LMTK3: variants seen among roughly 807,000 people sequenced by gnomAD.
The protein encoded by LMTK3 is serine/threonine-protein kinase LMTK3.
In LMTK3, 27 loss-of-function variants were observed where a neutral mutation model predicts 116.7. The ratio of observed to expected loss-of-function variants is 0.23; its 90% CI spans 0.17 to 0.32. The LOEUF is 0.32. Ranked by LOEUF, LMTK3 falls within the 10% of genes least tolerant of loss-of-function variation. LMTK3 has a pLI of 1.00. For synonymous variants in LMTK3, 965 were observed against 971.0 expected, an observed-to-expected ratio of 0.99 and a Z score of 0.11; for missense variants, 1,764 against 2,068.5, an observed-to-expected ratio of 0.85 and a Z score of 2.86.
intron 11 of LMTK3, among the ~76,000 whole-genome samples, chr19:48,495,076 C>T (rs1972302748): frequency 1.3e-5 from 2 of 151,594 alleles, no homozygotes; most frequent in African/African-American, 4.9e-5. Context: ...GTGGTACGAT[C>T]TCGGCGCATT....
In LMTK3 at chr19:48,497,454, G is replaced by C; in HGVS notation, c.3615C>G (p.Pro1205=). 6.5e-7 allele frequency: 1 copy of C among 1,533,104 alleles called. No homozygotes were observed. Among genetic ancestry groups the C allele is most frequent in the South Asian group, 1.2e-5 (1 of 80,766 alleles). The allele number at this position is 1,533,104 out of a possible 1,614,324, so 95.0% of individuals were successfully genotyped here. A position where few individuals can be genotyped will look rare whatever the true frequency, so the allele number is the denominator to read the frequency against. ...AGTCCAAGAATAGTCGTGGCATCTC[G>C]GGGCCCTTCCTCTCGGGCTTGGGGG... ...GDPPKPERKG[P]EMPRLFLDLG... Residue 1205 remains proline (P), a synonymous_variant, in exon 11 of 15, where the codon CCC becomes CCG. Coordinates refer to ENST00000600059, the MANE Select transcript of LMTK3 (RefSeq NM_001388485.1). The surrounding 1 kb of genome is among the most constrained non-coding windows in gnomAD (Gnocchi z 5.7).
At chr19:48,492,081 C>T (rs761249571) in intron 12 of LMTK3, among the ~76,000 whole-genome samples, 19 of 151,818 alleles carry the variant, frequency 1.3e-4, no homozygotes, top group Non-Finnish European at 1.5e-5. Context: ...GGCCTTGTTT[C>T]CATTCCTTTC....
intron 1 of LMTK3, among the ~76,000 whole-genome samples, chr19:48,510,893 G>A (rs1048823740): frequency 6.6e-6 from 1 of 152,184 alleles, no homozygotes; most frequent in Non-Finnish European, 1.5e-5. Context: ...GAAGGAAAGA[G>A]GAGTGATAGT....
In LMTK3 at chr19:48,511,713, A is replaced by T; in HGVS notation, c.-137T>A. ...AGGAGAGGGGCAGGAGACGCAGGAC[A>T]GGGGGAGGGAGGGGCTGCTTGCTGG... On this transcript the variant is annotated 5_prime_UTR_variant, in exon 1 of 15. Coordinates refer to ENST00000600059, the MANE Select transcript of LMTK3 (RefSeq NM_001388485.1). 2.4e-6 allele frequency: 1 copy of T among 421,742 alleles called. No individual in the cohort carries two copies. The highest frequency in any genetic ancestry group is 3.8e-5 in the East Asian group (1 of 26,562). The allele number at this position is 421,742 out of a possible 1,614,324, so 26.1% of individuals were successfully genotyped here. A position where few individuals can be genotyped will look rare whatever the true frequency, so the allele number is the denominator to read the frequency against.
At chr19:48,505,099 CTCTCTTTTTTTTTTT>C (rs1972542523) in intron 5 of LMTK3, among the ~76,000 whole-genome samples, 1 of 101,796 alleles carries the variant, frequency 9.8e-6, no homozygotes, top group African/African-American at 4.5e-5. Context: ...CTCTCTCTCT[CTCTCTTTTTTTTTTT>C]TTTTTTTTTT....
At chr19:48,503,993 G>A (rs1054850746) in intron 5 of LMTK3, among the ~76,000 whole-genome samples, 2 of 151,742 alleles carry the variant, frequency 1.3e-5, no homozygotes, top group African/African-American at 4.8e-5. Context: ...TCAGCCTCCC[G>A]AGTAGCTGGG....
chr19:48,491,829 C>T lies in LMTK3; in HGVS notation c.4093-290G>A, dbSNP rs1972232925. 6.6e-6 allele frequency among the ~76,000 whole-genome samples: 1 copy of T among 152,150 alleles called. No individual in the cohort carries two copies. The highest frequency in any genetic ancestry group is 6.5e-5 in the Admixed American group (1 of 15,282). On this transcript the variant is annotated intron_variant, in intron 12 of 14. Coordinates refer to ENST00000600059, the MANE Select transcript of LMTK3 (RefSeq NM_001388485.1). The surrounding 1 kb of genome is among the most constrained non-coding windows in gnomAD (Gnocchi z 5.1). Reference sequence around the variant, plus strand: ...TCTCTCCTGGCTCATTAACGTGAGGCCTCCACCGGATCCCCTAACCCAAAG... The same window carrying T: ...TCTCTCCTGGCTCATTAACGTGAGGTCTCCACCGGATCCCCTAACCCAAAG...
chr19:48,502,686 G>A, intron 6 of LMTK3, 105 bp from the exon 7 acceptor site: 2 of 1,328,066 alleles, frequency 1.5e-6, no homozygotes, highest in East Asian at 2.5e-5. Context: ...GCCCCTCTGA[G>A]CCTTAGTTTC....
upstream of LMTK3, chr19:48,513,022 C>T (rs1972686109): frequency 1.9e-5 from 16 of 834,152 alleles, no homozygotes; most frequent in Non-Finnish European, 3.0e-5. The surrounding 1 kb of genome is among the most constrained non-coding windows in gnomAD (Gnocchi z 5.6). Flanking sequence ...CAGAACCCCA[C>T]CACAGTCACA....
chr19:48,511,316 C>A (rs984501013), intron 1 of LMTK3, among the ~76,000 whole-genome samples, 185 bp downstream of exon 1: 6 of 152,182 alleles, frequency 3.9e-5, no homozygotes, highest in Non-Finnish European at 8.8e-5. Context: ...CCCACCCAGC[C>A]CCCAGCCTCC....
chr19:48,510,264 T>C, intron 2 of LMTK3, 91 bp from the exon 3 acceptor site: 1 of 1,489,520 alleles, frequency 6.7e-7, no homozygotes, highest in African/African-American at 1.4e-5. Flanking sequence ...CCCTTCATTT[T>C]TGTAACTGTC....
At chr19:48,503,978 C>T (rs1402776304) in intron 5 of LMTK3, among the ~76,000 whole-genome samples, 2 of 152,230 alleles carry the variant, frequency 1.3e-5, no homozygotes, top group East Asian at 3.9e-4. Context: ...AGCGATTCTC[C>T]TGCCTCAGCC....
At chr19:48,511,982 T>C (rs1972672185), upstream of LMTK3, among the ~76,000 whole-genome samples, 1 of 120,802 alleles carries the variant, frequency 8.3e-6, no homozygotes, top group Non-Finnish European at 1.6e-5. Flanking sequence ...CCCCGTAGCA[T>C]TGGCTGCCAG....
In LMTK3 at chr19:48,494,603, A is replaced by G. The variant is rs1386334519; in HGVS notation, c.3677-494T>C. On this transcript the variant is annotated intron_variant, in intron 11 of 14. Coordinates refer to ENST00000600059, the MANE Select transcript of LMTK3 (RefSeq NM_001388485.1). This position sits in a 1 kb window ranked among gnomAD's most constrained non-coding sequence, Gnocchi z 4.0. ...TTTGGCCTCCCAAAGTGCTGGGATT[A>G]CAGGCATGAGCCACCACACCCGGCC... Among the ~76,000 whole-genome samples, 3 of 152,162 alleles carry G rather than the reference A, an allele frequency of 2.0e-5. No homozygotes were observed. Among genetic ancestry groups the G allele is most frequent in the Admixed American group, 6.5e-5 (1 of 15,278 alleles).
chr19:48,505,286 A>G (rs953128440), intron 5 of LMTK3, among the ~76,000 whole-genome samples: 3 of 149,952 alleles, frequency 2.0e-5, no homozygotes, highest in Non-Finnish European at 3.0e-5. Context: ...GCTAATTTTT[A>G]TATTTTTATT....
At chr19:48,510,438 G>A in intron 2 of LMTK3, 21 bp downstream of exon 2, 1 of 1,586,514 alleles carries the variant, frequency 6.3e-7, no homozygotes, top group Non-Finnish European at 8.6e-7. Context: ...TCCCCAAGTT[G>A]AATCCCCTCA....
chr19:48,497,836 G>C lies in LMTK3; in HGVS notation c.3233C>G (p.Ala1078Gly), dbSNP rs1035943251. 1 of 1,411,890 alleles carries C rather than the reference G, an allele frequency of 7.1e-7. No homozygotes were observed. 87.5% of individuals were successfully genotyped at this position (1,411,890 alleles called of 1,614,324 possible). ...GETAPGPLGP[A>G]PKNGTLEPGT... Reference sequence around the variant, plus strand: ...GGGTTCCAGCGTCCCGTTCTTGGGGGCTGGGCCAAGGGGGCCAGGGGCTGT... The same window carrying C: ...GGGTTCCAGCGTCCCGTTCTTGGGGCCTGGGCCAAGGGGGCCAGGGGCTGT... The change falls in exon 11 of 15, where the codon GCC (alanine) becomes GGC (glycine). Residue 1078 changes from alanine (A) to glycine (G), a missense_variant. Coordinates refer to ENST00000600059, the MANE Select transcript of LMTK3 (RefSeq NM_001388485.1). This position sits in a 1 kb window ranked among gnomAD's most constrained non-coding sequence, Gnocchi z 5.7.
At position 48,498,516 on chromosome 19, in the gene LMTK3, C is replaced by T. The variant is rs1199427830; in HGVS notation, c.2553G>A (p.Pro851=). 1.3e-6 allele frequency: 2 copies of T among 1,580,570 alleles called. No individual in the cohort carries two copies. Among genetic ancestry groups the T allele is most frequent in the South Asian group, 1.1e-5 (1 of 87,382 alleles). Reference sequence around the variant, plus strand: ...CCGTGCTCACTTGAACCACGAAGGTCGGCTTCTCCCGGGGCCCCGGGAGTG... The same window carrying T: ...CCGTGCTCACTTGAACCACGAAGGTTGGCTTCTCCCGGGGCCCCGGGAGTG... ...PLPLPGPREK[P]TFVVQVSTEQ... is the part of the protein sequence containing the mutation. Residue 851 remains proline, a synonymous_variant, in exon 11 of 15, where the codon CCG becomes CCA. Transcript: ENST00000600059.
In LMTK3 at chr19:48,498,892, G is replaced by T; in HGVS notation, c.2177C>A (p.Ala726Asp). ...GTCCAGAAACTCGGGGGGGGCCGAG[G>T]CGGGGGGGGCCATGGGCAAGTCGGC... The part of the protein sequence containing the change: ...SLADLPMAPP[A>D]SAPPEFLDPL... The change falls in exon 11 of 15, where the codon GCC (alanine) becomes GAC (aspartate). Residue 726 changes from alanine to aspartate, a missense_variant. Ala to Asp is a moderately radical substitution (Grantham distance 126). Transcript: ENST00000600059. 2 of 1,186,530 alleles carry T rather than the reference G, an allele frequency of 1.7e-6. No homozygotes were observed. The highest frequency in any genetic ancestry group is 2.1e-6 in the Non-Finnish European group (2 of 931,402). The allele number at this position is 1,186,530 out of a possible 1,614,324, so 73.5% of individuals were successfully genotyped here. A position where few individuals can be genotyped will look rare whatever the true frequency, so the allele number is the denominator to read the frequency against.
Sources: allele counts gnomAD v4.1 joint callset (sites outside exome capture counted in the v4.1 genomes callset), GRCh38; gene constraint gnomAD v4.1.1; non-coding constraint Gnocchi (gnomAD v3.1); transcripts MANE v1.5; gene names NCBI Gene and HGNC (gene_info 2026-07-23, HGNC 2026-07-21).